COL16A1: variants seen among roughly 807,000 people sequenced by gnomAD.
The protein encoded by COL16A1 is collagen type XVI alpha 1 chain, also known as collagen alpha-1(XVI) chain.
COL16A1 carries 189 observed loss-of-function variants against 266.3 expected under a neutral mutation model. The observed-to-expected ratio is 0.71, with a 90% CI of 0.63 to 0.80. COL16A1 has a LOEUF of 0.80. COL16A1 is among the 30% of genes least tolerant of loss of function. The probability of loss-of-function intolerance (pLI) is 0.00; values close to 1 mark genes in which losing one functional copy is unlikely to be tolerated. For missense variants in COL16A1, 1,928 were observed against 2,122.4 expected (o/e 0.91, Z 1.80); for synonymous variants, 740 against 782.3 (o/e 0.95, Z 0.90).
Position 31,688,688 on chromosome 1 carries a change from G to A in COL16A1, c.1767+173C>T, listed in dbSNP as rs1261721984. ...CTAAGAGGAAGTTCCAGGGCAAGGA[G>A]CCTGGGGCAGCACAGGGACGGAGGG... On this transcript the variant is annotated intron_variant, in intron 25 of 70. Coordinates refer to ENST00000373672, the MANE Select transcript of COL16A1 (RefSeq NM_001856.4). The surrounding 1 kb of genome is among the most constrained non-coding windows in gnomAD (Gnocchi z 4.9). The A allele has an allele frequency of 1.9e-6, 2 of 1,070,858 alleles. No homozygotes were observed. Among genetic ancestry groups the A allele is most frequent in the East Asian group, 2.5e-5 (1 of 40,706 alleles). 66.3% of individuals were successfully genotyped at this position (1,070,858 alleles called of 1,614,324 possible). A position where few individuals can be genotyped will look rare whatever the true frequency, so the allele number is the denominator to read the frequency against.
At chr1:31,653,538 C>G in intron 70 of COL16A1, 61 bp downstream of exon 70, 17 of 1,546,946 alleles carry the variant, frequency 1.1e-5, no homozygotes, top group Non-Finnish European at 1.5e-5. Flanking sequence ...ATAGAAGAAA[C>G]AGAAAGAAAA....
Position 31,662,673 on chromosome 1 carries a change from C to CGGGGGGGGGGGGGGGGGGGGGGGGGGGG in COL16A1, c.3556-16_3556-15insCCCCCCCCCCCCCCCCCCCCCCCCCCCC. Reference sequence around the variant, plus strand: ...CCTTCGCTGCCCTGGAAACCAGCGCCGCCCCCCCCCCCCGCCCCACAATAA... The same window carrying CGGGGGGGGGGGGGGGGGGGGGGGGGGGG: ...CCTTCGCTGCCCTGGAAACCAGCGCCGGGGGGGGGGGGGGGGGGGGGGGGGGGGGCCCCCCCCCCCCGCCCCACAATAA... On this transcript the variant is annotated splice_polypyrimidine_tract_variant and intron_variant, in intron 56 of 70. Coordinates refer to ENST00000373672, the MANE Select transcript of COL16A1 (RefSeq NM_001856.4). 2 of 1,174,552 alleles carry CGGGGGGGGGGGGGGGGGGGGGGGGGGGG rather than the reference C, an allele frequency of 1.7e-6. No homozygotes were observed. Among genetic ancestry groups the CGGGGGGGGGGGGGGGGGGGGGGGGGGGG allele is most frequent in the Non-Finnish European group, 2.4e-6 (2 of 836,294 alleles). 72.8% of individuals were successfully genotyped at this position (1,174,552 alleles called of 1,614,324 possible). A position where few individuals can be genotyped will look rare whatever the true frequency, so the allele number is the denominator to read the frequency against.
chr1:31,657,188 G>T lies in COL16A1; in HGVS notation c.4021-120C>A. ...TCCACCCAGAGGCCACGATCCTCCA[G>T]CCCTCACCCTCTGACAATCTGGGCA... is the stretch of plus-strand genomic sequence containing the variant. On this transcript the variant is annotated intron_variant, in intron 64 of 70. Coordinates refer to ENST00000373672, the MANE Select transcript of COL16A1 (RefSeq NM_001856.4). This position sits in a 1 kb window ranked among gnomAD's most constrained non-coding sequence, Gnocchi z 6.4. 3 of 1,254,308 alleles carry T rather than the reference G, an allele frequency of 2.4e-6. No individual in the cohort carries two copies. The highest frequency in any genetic ancestry group is 2.3e-6 in the Non-Finnish European group (2 of 862,286). 77.7% of individuals were successfully genotyped at this position (1,254,308 alleles called of 1,614,324 possible). A position where few individuals can be genotyped will look rare whatever the true frequency, so the allele number is the denominator to read the frequency against.
In COL16A1 at chr1:31,698,502, T is replaced by C; in HGVS notation, c.371A>G (p.Asp124Gly). ...GTTCACCTGTGGATACCCATTTGCA[T>C]CGGTCACTTGAAACAGATACCACGT... is the stretch of plus-strand genomic sequence containing the variant. ...QKTWYLFQVT[D>G]ANGYPQISLE... is the part of the protein sequence containing the mutation. The change falls in exon 5 of 71, where the codon GAT becomes GGT. Residue 124 changes from aspartate (D) to glycine (G), a missense_variant. By Grantham distance (94) the Asp-to-Gly change is moderately conservative (BLOSUM62 -1). Coordinates refer to ENST00000373672, the MANE Select transcript of COL16A1 (RefSeq NM_001856.4). The surrounding 1 kb of genome is among the most constrained non-coding windows in gnomAD (Gnocchi z 4.1). 6.2e-7 allele frequency: 1 copy of C among 1,614,112 alleles called. No homozygotes were observed. Among genetic ancestry groups the C allele is most frequent in the East Asian group, 2.2e-5 (1 of 44,866 alleles).
chr1:31,652,801 G>A lies in COL16A1; in HGVS notation c.4665C>T (p.Gly1555=), dbSNP rs1363332897. ...YGKMGATGPM[G]QQGIPGIPGP... Reference sequence around the variant, plus strand: ...CAGGGATGCCAGGGATGCCTTGCTGGCCCATTGGTCCTGTTGCACCCATCT... The same window carrying A: ...CAGGGATGCCAGGGATGCCTTGCTGACCCATTGGTCCTGTTGCACCCATCT... Residue 1555 remains glycine, a synonymous_variant, in exon 71 of 71, where the codon GGC becomes GGT. Transcript: ENST00000373672. The surrounding 1 kb of genome is among the most constrained non-coding windows in gnomAD (Gnocchi z 4.8). 6.3e-7 allele frequency: 1 copy of A among 1,599,322 alleles called. No individual in the cohort carries two copies. Among genetic ancestry groups the A allele is most frequent in the South Asian group, 1.1e-5 (1 of 88,688 alleles).
rs1570413371 is a variant in COL16A1 at position 31,668,957 on chromosome 1, A to G, written c.3196-102T>C. 55 of 1,019,592 alleles carry G rather than the reference A, an allele frequency of 5.4e-5. 1 individual carries two copies. In the South Asian group the frequency reaches 8.3e-4, roughly 15 times the overall value. 63.2% of individuals were successfully genotyped at this position (1,019,592 alleles called of 1,614,324 possible). A position where few individuals can be genotyped will look rare whatever the true frequency, so the allele number is the denominator to read the frequency against. On this transcript the variant is annotated intron_variant, in intron 49 of 70. Coordinates refer to ENST00000373672, the MANE Select transcript of COL16A1 (RefSeq NM_001856.4). The surrounding 1 kb of genome is among the most constrained non-coding windows in gnomAD (Gnocchi z 5.8). The stretch of plus-strand genomic sequence containing the variant: ...CTGCCTTCTGTTCCCACTCCAGGCA[A>G]ATATGGAGGCCATAGTGGCTCTCGT...
chr1:31,702,157 C>T lies in COL16A1; in HGVS notation c.37G>A (p.Gly13Ser), dbSNP rs201910296. 1,241 of 1,614,154 alleles carry T rather than the reference C, an allele frequency of 7.7e-4. 3 individuals are homozygous for T. Among genetic ancestry groups the T allele is most frequent in the South Asian group, 3.0e-3 (275 of 91,078 alleles). The change falls in exon 2 of 71, where the codon GGT (glycine) becomes AGT (serine). Residue 13 changes from glycine (G) to serine (S), a missense_variant. Coordinates refer to ENST00000373672, the MANE Select transcript of COL16A1 (RefSeq NM_001856.4). ...CCATGGCCGAAGGTAGCCCAAAGACCGAGCAGCCACAGGCCAGGAGCCCAG... is the reference window on the plus strand; with the variant it reads ...CCATGGCCGAAGGTAGCCCAAAGACTGAGCAGCCACAGGCCAGGAGCCCAG... Reference protein sequence around the residue: ...VSWAPGLWLLGLWATFGHGAN... With the variant: ...VSWAPGLWLLSLWATFGHGAN...
intron 21 of COL16A1, 62 bp from the exon 22 acceptor site, chr1:31,690,455 G>A (rs1644208681): frequency 1.9e-6 from 3 of 1,614,180 alleles, no homozygotes. Flanking sequence ...CCAACTGAGG[G>A]CCGGAGGACC....
Position 31,695,747 on chromosome 1 carries a change from A to T in COL16A1, c.945+14T>A, listed in dbSNP as rs1230864579. The T allele has an allele frequency of 4.6e-5, 75 of 1,613,286 alleles. No individual in the cohort carries two copies. Among genetic ancestry groups the T allele is most frequent in the Non-Finnish European group, 6.3e-5 (74 of 1,179,688 alleles). ...CTGGCACCTCCCCTGCTGCCAGTCC[A>T]CTGGGAGGCTTACCTCATCGGCTGC... On this transcript the variant is annotated intron_variant, in intron 10 of 70. Transcript: ENST00000373672.
At chr1:31,677,590 C>T (rs1319549384) in intron 42 of COL16A1, among the ~76,000 whole-genome samples, 1 of 152,224 alleles carries the variant, frequency 6.6e-6, no homozygotes, top group Non-Finnish European at 1.5e-5. Context: ...TTGCCTCAGG[C>T]ATCTTTCTTA....
At chr1:31,661,506 G>A (rs1179893227) in intron 59 of COL16A1, 48 bp from the exon 60 acceptor site, 2 of 1,613,964 alleles carry the variant, frequency 1.2e-6, no homozygotes, top group Admixed American at 1.7e-5. Context: ...TCAGCTGGGG[G>A]CCTCTTCCCA....
At chr1:31,683,149 C>G (rs1232054706) in intron 36 of COL16A1, 45 bp downstream of exon 36, 1 of 1,613,696 alleles carries the variant, frequency 6.2e-7, no homozygotes, top group Non-Finnish European at 8.5e-7. Flanking sequence ...TTCTGGGACA[C>G]TCTGGAATAC....
intron 49 of COL16A1, chr1:31,669,663 C>G (rs760851317): frequency 6.6e-6 from 1 of 151,982 alleles, no homozygotes; most frequent in African/African-American, 2.4e-5. Context: ...GGAACTGTGA[C>G]GAGGAGGGGC....
intron 52 of COL16A1, 24 bp from the exon 53 acceptor site, chr1:31,666,105 C>G (rs1328951969): frequency 6.2e-7 from 1 of 1,604,826 alleles, no homozygotes; most frequent in East Asian, 2.2e-5. Flanking sequence ...GGAACAGAAT[C>G]AGTCACTCCT....
rs572402885 is a variant in COL16A1 at position 31,667,559 on chromosome 1, C to T, written c.3357+16G>A. The T allele has an allele frequency of 1.3e-5, 20 of 1,583,212 alleles. No individual in the cohort carries two copies. The highest frequency in any genetic ancestry group is 2.0e-4 in the Middle Eastern group (1 of 4,932). On this transcript the variant is annotated intron_variant, in intron 52 of 70. Coordinates refer to ENST00000373672, the MANE Select transcript of COL16A1 (RefSeq NM_001856.4). ...ACGTGCAGCCCTGCATCCAGCCCCA[C>T]GCCGCTGGGACTCACCGGCTCTCCT...
Position 31,692,978 on chromosome 1 carries a change from T to C in COL16A1, c.1071+114A>G. 8 of 962,120 alleles carry C rather than the reference T, an allele frequency of 8.3e-6. No individual in the cohort carries two copies. In the South Asian group the frequency reaches 1.0e-4, roughly 12 times the overall value. The allele number at this position is 962,120 out of a possible 1,614,324, so 59.6% of individuals were successfully genotyped here. On this transcript the variant is annotated intron_variant, in intron 13 of 70. Coordinates refer to ENST00000373672, the MANE Select transcript of COL16A1 (RefSeq NM_001856.4). ...CCTGGCCCTCACCCCCCTCCCGTGA[T>C]CTGGGCCAAGCTGCAGGCTTTCTGC... is the stretch of plus-strand genomic sequence containing the variant.
Position 31,698,014 on chromosome 1 carries a change from G to T in COL16A1, c.549C>A (p.His183Gln), listed in dbSNP as rs775125072. The change falls in exon 6 of 71, where the codon CAC (histidine) becomes CAA (glutamine). Residue 183 changes from histidine (H) to glutamine (Q), a missense_variant. This residue lies in a region of COL16A1 where 1,552 missense variants were observed against 1,637.2 expected (regional missense o/e 0.95). Coordinates refer to ENST00000373672, the MANE Select transcript of COL16A1 (RefSeq NM_001856.4). The surrounding 1 kb of genome is among the most constrained non-coding windows in gnomAD (Gnocchi z 4.1). ...GGGAGGAGGCTGAGCTGCAGTCCAC[G>T]TGCACAGAGGCCACACGTCCAGCCA... ...LSVAGRVASV[H>Q]VDCSSASSQP... is the part of the protein sequence containing the mutation. 1.2e-6 allele frequency: 2 copies of T among 1,613,594 alleles called. No homozygotes were observed. The highest frequency in any genetic ancestry group is 1.7e-6 in the Non-Finnish European group (2 of 1,180,044).
intron 22 of COL16A1, 75 bp downstream of exon 22, chr1:31,690,292 C>G: frequency 1.2e-6 from 2 of 1,602,988 alleles, no homozygotes; most frequent in Admixed American, 1.7e-5. Context: ...GCCTAGGGCC[C>G]TTGATGCTCA....
intron 48 of COL16A1, among the ~76,000 whole-genome samples, chr1:31,671,269 C>A (rs987127169): frequency 1.3e-4 from 20 of 152,204 alleles, no homozygotes; most frequent in Non-Finnish European, 2.9e-4. Context: ...CGCATGCTTC[C>A]CTGGTTGGGA....
Sources: gnomAD v4.1 joint callset for allele counts (sites outside exome capture counted in the v4.1 genomes callset) on GRCh38, gnomAD v4.1.1 for gene constraint, gnomAD v4.1.1 regional missense constraint, Gnocchi (gnomAD v3.1) non-coding constraint, MANE v1.5 for transcripts, NCBI Gene and HGNC (gene_info 2026-07-23, HGNC 2026-07-21) for gene names.